TUSC3: variants seen among roughly 807,000 people sequenced by gnomAD.
The protein encoded by TUSC3 is dolichyl-diphosphooligosaccharide--protein glycosyltransferase subunit TUSC3.
In TUSC3, 45 loss-of-function variants were observed where a neutral mutation model predicts 44.8. The ratio of observed to expected loss-of-function variants is 1.00; its 90% confidence interval spans 0.79 to 1.29. The LOEUF (loss-of-function observed/expected upper bound fraction) is 1.29, where lower values mean the gene tolerates loss of function less well. TUSC3 is among the 50% of genes most tolerant of loss of function. The pLI, the probability that TUSC3 is intolerant of heterozygous loss-of-function variation, is 0.00. For synonymous variants in TUSC3, 212 were observed against 152.9 expected, an observed-to-expected ratio of 1.39 and a Z score of -2.85; for missense variants, 519 against 437.9, an observed-to-expected ratio of 1.19 and a Z score of -1.65.
rs1563247134 is a variant in TUSC3, at chr8:15,423,969, G to GTTTTTGTTTTGTTTTTT, written n.91+6669_91+6670insGTTTTGTTTTTTTTTTT. ...TACAGCATTCATACTGTTTTGCTTT[G>GTTTTTGTTTTGTTTTTT]TTTTTTTTTTTTTTTTTTTTTTTTT... is the stretch of plus-strand genomic sequence containing the variant. On this transcript the variant is annotated intron_variant and non_coding_transcript_variant, in intron 1 of 5. Transcript: ENST00000503191. 4.4e-4 allele frequency among the ~76,000 whole-genome samples: 31 copies of GTTTTTGTTTTGTTTTTT among 70,392 alleles called. 6 individuals are homozygous for GTTTTTGTTTTGTTTTTT. The highest frequency in any genetic ancestry group is 1.1e-3 in the African/African-American group (27 of 24,496). 46.2% of individuals were successfully genotyped at this position (70,392 alleles called of 152,430 possible).
At chr8:15,734,276 C>G (rs1345485029) in intron 7 of TUSC3, among the ~76,000 whole-genome samples, 2 of 152,082 alleles carry the variant, frequency 1.3e-5, no homozygotes, top group Admixed American at 6.6e-5. Context: ...TTGCTATATA[C>G]AAAGTTTTGC....
intron 6 of TUSC3, among the ~76,000 whole-genome samples, chr8:15,730,138 C>G (rs1017349108): frequency 7.9e-5 from 12 of 151,986 alleles, no homozygotes; most frequent in African/African-American, 2.9e-4. Flanking sequence ...TTTCTATAAT[C>G]AACTGTTATC....
chr8:15,743,449 A>G, intron 7 of TUSC3, 89 bp from the exon 8 acceptor site: 2 of 1,307,726 alleles, frequency 1.5e-6, no homozygotes, highest in Middle Eastern at 1.8e-4. Context: ...TTTGTAGTTT[A>G]ACCATTCTGG....
the TUSC3 span, among the ~76,000 whole-genome samples, chr8:15,831,183 G>A: frequency 6.6e-6 from 1 of 152,310 alleles, no homozygotes; most frequent in African/African-American, 2.4e-5. Flanking sequence ...GGAGTTGGGA[G>A]CTGAGCGTTG....
chr8:15,734,489 T>A (rs958825125), intron 7 of TUSC3, among the ~76,000 whole-genome samples: 1 of 152,204 alleles, frequency 6.6e-6, no homozygotes, highest in Non-Finnish European at 1.5e-5. Context: ...ATATAAACCA[T>A]CTAAAAATAA....
intron 7 of TUSC3, among the ~76,000 whole-genome samples, chr8:15,741,374 A>G (rs1811189708): frequency 1.3e-5 from 2 of 152,230 alleles, no homozygotes; most frequent in Non-Finnish European, 2.9e-5. Flanking sequence ...TAATGTCTAC[A>G]TAAATTCATC....
At chr8:15,448,250 C>G (rs1216996495) in intron 1 of TUSC3, among the ~76,000 whole-genome samples, 1 of 151,730 alleles carries the variant, frequency 6.6e-6, no homozygotes, top group Non-Finnish European at 1.5e-5. Flanking sequence ...TCTCAAGTAG[C>G]TGAGATCACA....
intron 1 of TUSC3, among the ~76,000 whole-genome samples, chr8:15,555,955 C>T (rs112505507): frequency 6.6e-6 from 1 of 150,690 alleles, no homozygotes; most frequent in Admixed American, 6.6e-5. Flanking sequence ...ATGATCAAAA[C>T]CATTAGAAAA....
chr8:15,518,678 A>T (rs1421103844), intron 2 of TUSC3, among the ~76,000 whole-genome samples: 1 of 152,130 alleles, frequency 6.6e-6, no homozygotes, highest in East Asian at 1.9e-4. Flanking sequence ...AGCAAATCTG[A>T]ACTTTGATGA....
chr8:15,706,300 T>C (rs1809613950), intron 6 of TUSC3, among the ~76,000 whole-genome samples: 1 of 151,950 alleles, frequency 6.6e-6, no homozygotes, highest in African/African-American at 2.4e-5. Flanking sequence ...TGTCAATAAG[T>C]CAATTAAGGA....
At chr8:15,626,061 G>A (rs1805496026) in intron 2 of TUSC3, among the ~76,000 whole-genome samples, 1 of 152,158 alleles carries the variant, frequency 6.6e-6, no homozygotes, top group South Asian at 2.1e-4. Context: ...TGGTGGGAGT[G>A]GTTGCAGGAG....
At chr8:15,522,178 G>A (rs1393957115) in intron 2 of TUSC3, among the ~76,000 whole-genome samples, 3 of 151,832 alleles carry the variant, frequency 2.0e-5, no homozygotes, top group South Asian at 2.1e-4. Context: ...TTACCAAGCT[G>A]TTCCACCACA....
intron 1 of TUSC3, among the ~76,000 whole-genome samples, chr8:15,590,136 A>G (rs945084061): frequency 6.6e-6 from 1 of 152,188 alleles, no homozygotes; most frequent in South Asian, 2.1e-4. Flanking sequence ...GATGACATTT[A>G]TGGATATTTT....
chr8:15,664,741 G>T (rs571893629), intron 5 of TUSC3, among the ~76,000 whole-genome samples: 2 of 149,362 alleles, frequency 1.3e-5, no homozygotes, highest in South Asian at 4.2e-4. Flanking sequence ...ACTTATGTTT[G>T]ATGGCCTTTG....
At chr8:15,820,013 C>T in the TUSC3 span, among the ~76,000 whole-genome samples, 1 of 152,064 alleles carries the variant, frequency 6.6e-6, no homozygotes, top group Admixed American at 6.6e-5. Context: ...TTTTCTTATA[C>T]GTACTTTATC....
intron 1 of TUSC3, among the ~76,000 whole-genome samples, chr8:15,479,681 T>A (rs917993815): frequency 2.0e-5 from 3 of 152,240 alleles, no homozygotes; most frequent in African/African-American, 7.2e-5. Context: ...TTTTGGTTAC[T>A]ATACCTTGTA....
chr8:15,499,368 A>C (rs373926188), intron 2 of TUSC3, among the ~76,000 whole-genome samples: 2 of 152,200 alleles, frequency 1.3e-5, no homozygotes, highest in African/African-American at 4.8e-5. Context: ...AACATCATCA[A>C]ATCAAATCTA....
the TUSC3 span, among the ~76,000 whole-genome samples, chr8:15,800,095 C>A: frequency 2.6e-5 from 4 of 152,282 alleles, no homozygotes; most frequent in East Asian, 5.8e-4. Context: ...CAAACTTATC[C>A]TTTGTTACAG....
At chr8:15,622,948 T>C (rs532453929) in intron 1 of TUSC3, 132 bp from the exon 2 acceptor site, 29 of 927,016 alleles carry the variant, frequency 3.1e-5, no homozygotes, top group Non-Finnish European at 4.0e-5. Context: ...AGCAGAAATA[T>C]GGTCTTTTAT....
Sources: gnomAD v4.1 joint callset for allele counts (sites outside exome capture counted in the v4.1 genomes callset) on GRCh38, gnomAD v4.1.1 for gene constraint, MANE v1.5 for transcripts, NCBI Gene and HGNC (gene_info 2026-07-23, HGNC 2026-07-21) for gene names.